PINX1: variants seen among roughly 807,000 people sequenced by gnomAD.
PINX1 encodes PIN2/TERF1-interacting telomerase inhibitor 1.
A neutral mutation model predicts 25.4 loss-of-function variants in PINX1; 34 were observed. That is an observed-to-expected ratio of 1.34 (90% CI 1.02 to 1.78). PINX1 has a LOEUF of 1.78. Ranked by LOEUF, PINX1 falls within the 40% of genes most tolerant of loss-of-function variation. The pLI is 0.00. For synonymous variants in PINX1, 197 were observed against 147.7 expected (o/e 1.33, Z -2.42); for missense variants, 592 against 404.9 (o/e 1.46, Z -3.97).
At chr8:10,819,439 A>ATAT (rs1290903411) in intron 6 of PINX1, among the ~76,000 whole-genome samples, 6 of 152,220 alleles carry the variant, frequency 3.9e-5, no homozygotes, top group African/African-American at 7.2e-5. Context: ...GGTCACAACC[A>ATAT]TATATTCCAG....
intron 6 of PINX1, among the ~76,000 whole-genome samples, chr8:10,776,381 T>A (rs1009065390): frequency 6.6e-6 from 1 of 151,980 alleles, no homozygotes; most frequent in Non-Finnish European, 1.5e-5. Context: ...GCCGAAGTCG[T>A]GCCACTGCAC....
chr8:10,814,925 G>C (rs893961030), intron 6 of PINX1, among the ~76,000 whole-genome samples: 2 of 152,154 alleles, frequency 1.3e-5, no homozygotes, highest in African/African-American at 2.4e-5. Context: ...GTAAAACACA[G>C]TGAAGCAATT....
At chr8:10,801,725 A>T (rs1428594522) in intron 6 of PINX1, among the ~76,000 whole-genome samples, 3 of 152,224 alleles carry the variant, frequency 2.0e-5, no homozygotes, top group Non-Finnish European at 4.4e-5. Flanking sequence ...GAACTACAGC[A>T]AACCACCTCT....
At chr8:10,817,569 A>G (rs1291809377) in intron 6 of PINX1, among the ~76,000 whole-genome samples, 1 of 152,232 alleles carries the variant, frequency 6.6e-6, no homozygotes, top group African/African-American at 2.4e-5. Context: ...TTTGTCTTAA[A>G]TGTGATTACA....
chr8:10,836,686 T>TGG lies in PINX1; in HGVS notation c.20-1913_20-1912dup, dbSNP rs33957898. 9.3e-3 allele frequency among the ~76,000 whole-genome samples: 957 copies of TGG among 103,410 alleles called. 11 individuals are homozygous for TGG. The highest frequency in any genetic ancestry group is 0.034 in the African/African-American group (913 of 26,630). 67.8% of individuals were successfully genotyped at this position (103,410 alleles called of 152,430 possible). On this transcript the variant is annotated intron_variant, in intron 1 of 6. Transcript: ENST00000314787. ...CACCAGTGTTTCCAAACAAGGATGT[T>TGG]GGGGGGGCGGGGGGTGGCAGTTTCC... is the stretch of plus-strand genomic sequence containing the variant.
At chr8:10,782,354 G>A (rs949486914) in intron 6 of PINX1, among the ~76,000 whole-genome samples, 2 of 151,840 alleles carry the variant, frequency 1.3e-5, no homozygotes, top group Non-Finnish European at 2.9e-5. Context: ...GCCATGAAGG[G>A]AAAATGGGTA....
chr8:10,794,479 G>C (rs975706302), intron 6 of PINX1, among the ~76,000 whole-genome samples: 6 of 151,580 alleles, frequency 4.0e-5, no homozygotes, highest in Admixed American at 6.6e-5. Flanking sequence ...TTCTTGCCCA[G>C]GCTGGAGTGC....
chr8:10,788,261 G>C (rs565187650), intron 6 of PINX1, among the ~76,000 whole-genome samples: 27 of 152,272 alleles, frequency 1.8e-4, no homozygotes, highest in African/African-American at 6.3e-4. Context: ...ATAAGCAACA[G>C]TTTTAAAAAG....
intron 6 of PINX1, among the ~76,000 whole-genome samples, chr8:10,814,398 C>A (rs1008203906): frequency 2.6e-5 from 4 of 152,164 alleles, no homozygotes; most frequent in African/African-American, 9.7e-5. Context: ...AAATACGAAG[C>A]ACCAATGAAG....
At chr8:10,828,761 C>G (rs931962991) in intron 4 of PINX1, among the ~76,000 whole-genome samples, 2 of 152,154 alleles carry the variant, frequency 1.3e-5, no homozygotes, top group African/African-American at 4.8e-5. Flanking sequence ...TCTGGCCGTC[C>G]TTTCCCGGGT....
At position 10,839,871 on chromosome 8, in the gene PINX1, C is replaced by T; in HGVS notation, c.-115G>A. 7 of 1,023,426 alleles carry T rather than the reference C, an allele frequency of 6.8e-6. No homozygotes were observed. The highest frequency in any genetic ancestry group is 1.6e-5 in the African/African-American group (1 of 60,696). 63.4% of individuals were successfully genotyped at this position (1,023,426 alleles called of 1,614,324 possible). ...TAACTCCCTCGCCGGCGGACTGCAG[C>T]GGACGGGGCGCGTGCTGGTGACGTC... On this transcript the variant is annotated 5_prime_UTR_variant, in exon 1 of 7. Coordinates refer to ENST00000314787, the MANE Select transcript of PINX1 (RefSeq NM_017884.6).
chr8:10,801,672 C>G (rs1802267005), intron 6 of PINX1, among the ~76,000 whole-genome samples: 2 of 152,262 alleles, frequency 1.3e-5, no homozygotes, highest in South Asian at 4.1e-4. Context: ...AGAGCTGGGA[C>G]TTGAGCCTAA....
At chr8:10,831,128 G>C (rs900110724) in intron 4 of PINX1, among the ~76,000 whole-genome samples, 2 of 152,196 alleles carry the variant, frequency 1.3e-5, no homozygotes, top group African/African-American at 4.8e-5. Flanking sequence ...AAGAATGAGA[G>C]TTTTTCATTT....
intron 6 of PINX1, among the ~76,000 whole-genome samples, chr8:10,813,520 G>C (rs1346383739): frequency 1.3e-5 from 2 of 152,042 alleles, no homozygotes; most frequent in African/African-American, 4.8e-5. Context: ...TTTTCAGACT[G>C]GATAATCAGC....
chr8:10,794,202 T>C (rs1402699865), intron 6 of PINX1, among the ~76,000 whole-genome samples: 4 of 152,184 alleles, frequency 2.6e-5, no homozygotes, highest in Admixed American at 6.5e-5. Context: ...AACCAAAATA[T>C]TAATGCTCAA....
chr8:10,815,526 T>C (rs116419599), intron 6 of PINX1, among the ~76,000 whole-genome samples: 2,192 of 152,290 alleles, frequency 0.014, 64 homozygotes, highest in African/African-American at 0.049. Context: ...TTTAAATGCA[T>C]AGTCTTAGAT....
At chr8:10,817,069 G>C (rs1797720775) in intron 6 of PINX1, among the ~76,000 whole-genome samples, 1 of 152,108 alleles carries the variant, frequency 6.6e-6, no homozygotes, top group African/African-American at 2.4e-5. Context: ...TTATTGCAAG[G>C]GTGATGCTGT....
intron 6 of PINX1, among the ~76,000 whole-genome samples, 166 bp downstream of exon 6, chr8:10,820,027 C>T (rs184539364): frequency 6.6e-6 from 1 of 151,974 alleles, no homozygotes; most frequent in Non-Finnish European, 1.5e-5. Context: ...CATTATCTAC[C>T]CACTAATATT....
At chr8:10,779,167 A>G (rs1801505656) in intron 6 of PINX1, among the ~76,000 whole-genome samples, 1 of 152,222 alleles carries the variant, frequency 6.6e-6, no homozygotes, top group Non-Finnish European at 1.5e-5. Flanking sequence ...CGTATTTTTT[A>G]AAGGATTATG....
Sources: gnomAD v4.1 joint callset for allele counts (sites outside exome capture counted in the v4.1 genomes callset) on GRCh38, gnomAD v4.1.1 for gene constraint, MANE v1.5 for transcripts, NCBI Gene and HGNC (gene_info 2026-07-23, HGNC 2026-07-21) for gene names.